Variants in EPM2A observed in about 807,000 individuals in gnomAD.
The protein encoded by EPM2A is EPM2A glucan phosphatase, laforin.
EPM2A carries 21 observed loss-of-function variants against 26.5 expected under a neutral mutation model. The ratio of observed to expected loss-of-function variants is 0.79; its 90% CI spans 0.56 to 1.14. The LOEUF (loss-of-function observed/expected upper bound fraction) is 1.14, where lower values mean the gene tolerates loss of function less well. Among genes scored for constraint, EPM2A ranks in the 50% most tolerant of loss-of-function variants. EPM2A has a pLI of 0.00. For synonymous variants in EPM2A, 217 were observed against 177.6 expected (o/e 1.22, Z -1.76); for missense variants, 458 against 440.8 (o/e 1.04, Z -0.35).
chr6:145,732,853 G>C (rs751061521), intron 1 of EPM2A, among the ~76,000 whole-genome samples: 9 of 152,104 alleles, frequency 5.9e-5, no homozygotes, highest in Non-Finnish European at 1.3e-4. Context: ...ATGTCCTCTT[G>C]TAAGTTCTTA....
At chr6:145,511,370 A>G (rs1324236716) in intron 2 of EPM2A, among the ~76,000 whole-genome samples, 2 of 152,210 alleles carry the variant, frequency 1.3e-5, no homozygotes, top group African/African-American at 4.8e-5. Flanking sequence ...TATACTAGCA[A>G]ACTGAATTGA....
At chr6:145,410,953 C>G (rs530664288) in intron 4 of EPM2A, among the ~76,000 whole-genome samples, 17 of 152,244 alleles carry the variant, frequency 1.1e-4, no homozygotes, top group Admixed American at 5.2e-4. Context: ...TAGCAGATGA[C>G]CTGACCAGTT....
downstream of EPM2A, among the ~76,000 whole-genome samples, chr6:145,624,246 T>A (rs1182185693): frequency 6.6e-6 from 1 of 152,100 alleles, no homozygotes; most frequent in Non-Finnish European, 1.5e-5. Flanking sequence ...ACACAGCACA[T>A]CTCTTTCCCA....
intron 2 of EPM2A, among the ~76,000 whole-genome samples, chr6:145,558,143 T>C: frequency 6.6e-6 from 1 of 152,150 alleles, no homozygotes; most frequent in East Asian, 1.9e-4. Context: ...TATTTATATA[T>C]ACTACATTTT....
At chr6:145,388,189 T>C (rs1778288610) in intron 4 of EPM2A, among the ~76,000 whole-genome samples, 1 of 151,352 alleles carries the variant, frequency 6.6e-6, no homozygotes, top group South Asian at 2.1e-4. Context: ...CTGTTCTCTT[T>C]ATTTCTCTTC....
intron 2 of EPM2A, among the ~76,000 whole-genome samples, chr6:145,660,622 T>A (rs141874959): frequency 1.3e-3 from 198 of 152,218 alleles, no homozygotes; most frequent in African/African-American, 4.5e-3. Context: ...GCCAACATGA[T>A]GAAACCCTGT....
At position 145,522,358 on chromosome 6, in the gene EPM2A, T is replaced by C. The variant is rs1175858355; in HGVS notation, c.341-19783A>G. Among the ~76,000 whole-genome samples, 4 of 152,084 alleles carry C rather than the reference T, an allele frequency of 2.6e-5. No homozygotes were observed. In the East Asian group the frequency reaches 7.7e-4, roughly 29 times the overall value. On this transcript the variant is annotated intron_variant, in intron 2 of 3. Coordinates refer to the EPM2A transcript ENST00000450221. ...TGGAATAAGTACTTCAAATATAACA[T>C]GTCCTGGGGTTAACTCACCATTTTC... is the stretch of plus-strand genomic sequence containing the variant.
At chr6:145,624,953 C>T (rs1439207462), downstream of EPM2A, among the ~76,000 whole-genome samples, 2 of 152,206 alleles carry the variant, frequency 1.3e-5, no homozygotes, top group Non-Finnish European at 2.9e-5. Flanking sequence ...AAAACCACCT[C>T]ATTCAGACTT....
At chr6:145,500,206 A>G (rs546074474), downstream of EPM2A, among the ~76,000 whole-genome samples, 1 of 152,354 alleles carries the variant, frequency 6.6e-6, no homozygotes, top group East Asian at 1.9e-4. Context: ...CCAACTATTT[A>G]GAGAGAGAGT....
intron 1 of EPM2A, among the ~76,000 whole-genome samples, chr6:145,711,447 T>C (rs1451628119): frequency 1.3e-5 from 2 of 152,140 alleles, no homozygotes; most frequent in Non-Finnish European, 2.9e-5. Context: ...TTGAATATAT[T>C]GAATTTAAAC....
intron 2 of EPM2A, among the ~76,000 whole-genome samples, chr6:145,580,767 C>T (rs565305847): frequency 1.2e-4 from 18 of 152,156 alleles, no homozygotes; most frequent in African/African-American, 3.9e-4. Context: ...GAGAACATGT[C>T]GTATTTGGTT....
At chr6:145,467,399 A>T (rs1344392735) in intron 4 of EPM2A, among the ~76,000 whole-genome samples, 1 of 151,996 alleles carries the variant, frequency 6.6e-6, no homozygotes, top group Non-Finnish European at 1.5e-5. Context: ...CACATATTAA[A>T]TTTTCCTATG....
At chr6:145,538,106 G>C (rs1780458042) in intron 2 of EPM2A, among the ~76,000 whole-genome samples, 1 of 152,086 alleles carries the variant, frequency 6.6e-6, no homozygotes, top group African/African-American at 2.4e-5. Context: ...ATAATCCTTT[G>C]GGTATATTTA....
At chr6:145,552,718 G>C (rs9485003) in intron 2 of EPM2A, among the ~76,000 whole-genome samples, 14,158 of 152,010 alleles carry the variant, frequency 0.093, 822 homozygotes, top group East Asian at 0.17. Flanking sequence ...TAGTTTATGG[G>C]GAAATACAGG....
chr6:145,674,006 G>T (rs1166396739), intron 2 of EPM2A, among the ~76,000 whole-genome samples: 1 of 152,206 alleles, frequency 6.6e-6, no homozygotes, highest in South Asian at 2.1e-4. Flanking sequence ...CCCAACCCCT[G>T]TGTAGTCTAA....
At chr6:145,634,142 A>T (rs191896203) in intron 3 of EPM2A, among the ~76,000 whole-genome samples, 175 of 152,236 alleles carry the variant, frequency 1.1e-3, no homozygotes, top group African/African-American at 4.0e-3. Context: ...AGAGGAGGTC[A>T]TCAAACTCCT....
intron 2 of EPM2A, among the ~76,000 whole-genome samples, chr6:145,503,319 G>A (rs990154274): frequency 6.7e-6 from 1 of 148,896 alleles, no homozygotes; most frequent in East Asian, 2.0e-4. Context: ...GTTTGCAGAC[G>A]ACATGATTGT....
intron 2 of EPM2A, among the ~76,000 whole-genome samples, chr6:145,594,484 G>A (rs1261130301): frequency 2.0e-5 from 3 of 151,448 alleles, no homozygotes; most frequent in East Asian, 1.9e-4. Context: ...GCTGGAACTC[G>A]ATAGATATTA....
chr6:145,459,539 T>C (rs1779302817), intron 4 of EPM2A, among the ~76,000 whole-genome samples: 1 of 152,196 alleles, frequency 6.6e-6, no homozygotes, highest in Non-Finnish European at 1.5e-5. Context: ...AAAAAGGTCA[T>C]AAAAGATTCT....
Sources: allele counts gnomAD v4.1 joint callset (sites outside exome capture counted in the v4.1 genomes callset), GRCh38; gene constraint gnomAD v4.1.1; transcripts MANE v1.5; gene names NCBI Gene and HGNC (gene_info 2026-07-23, HGNC 2026-07-21).